NKAIN3: variants seen among roughly 807,000 people sequenced by gnomAD.
The protein encoded by NKAIN3 is sodium/potassium-transporting ATPase subunit beta-1-interacting protein 3.
NKAIN3 carries 25 observed loss-of-function variants against 30.2 expected under a neutral mutation model. The observed-to-expected ratio is 0.83, with a 90% confidence interval of 0.60 to 1.16. The LOEUF (loss-of-function observed/expected upper bound fraction) is 1.16. Among genes scored for constraint, NKAIN3 ranks in the 50% most tolerant of loss-of-function variants. The probability of loss-of-function intolerance (pLI) is 0.00; values close to 1 mark genes in which losing one functional copy is unlikely to be tolerated. For missense variants in NKAIN3, 225 were observed against 254.1 expected, an observed-to-expected ratio of 0.89 and a Z score of 0.78; for synonymous variants, 91 against 89.6, an observed-to-expected ratio of 1.02 and a Z score of -0.09.
At chr8:62,503,349 A>G (rs1344422596) in intron 1 of NKAIN3, among the ~76,000 whole-genome samples, 1 of 152,182 alleles carries the variant, frequency 6.6e-6, no homozygotes, top group Non-Finnish European at 1.5e-5. Context: ...TCAAGGGGCA[A>G]AAGGCAGAGC....
At chr8:62,803,212 G>C (rs1818136253) in intron 4 of NKAIN3, among the ~76,000 whole-genome samples, 1 of 152,108 alleles carries the variant, frequency 6.6e-6, no homozygotes, top group South Asian at 2.1e-4. Flanking sequence ...CAATGAGACA[G>C]AAAGTTAGCA....
chr8:62,424,927 T>G (rs1804759906), intron 1 of NKAIN3, among the ~76,000 whole-genome samples: 1 of 151,888 alleles, frequency 6.6e-6, no homozygotes, highest in African/African-American at 2.4e-5. Context: ...AACTATGATG[T>G]GTACATACAA....
At chr8:62,998,081 T>TTTGCTGTTTG (rs1307953471) in intron 5 of NKAIN3, among the ~76,000 whole-genome samples, 3 of 152,186 alleles carry the variant, frequency 2.0e-5, no homozygotes, top group African/African-American at 7.2e-5. Flanking sequence ...TCAGCACTCA[T>TTTGCTGTTTG]TTGCTGTTTG....
chr8:62,559,271 T>A (rs1376574504), intron 1 of NKAIN3, among the ~76,000 whole-genome samples: 1 of 152,006 alleles, frequency 6.6e-6, no homozygotes. Context: ...GTTTCCATAA[T>A]ACACTCATTT....
At chr8:62,904,387 GAA>G (rs1821713610) in intron 4 of NKAIN3, among the ~76,000 whole-genome samples, 1 of 152,146 alleles carries the variant, frequency 6.6e-6, no homozygotes, top group Non-Finnish European at 1.5e-5. Context: ...ACCCATAAAT[GAA>G]AAGACTCTAC....
rs184645746 is a variant in NKAIN3 at position 62,422,492 on chromosome 8, G to A, written c.55-157047G>A. 1.8e-3 allele frequency among the ~76,000 whole-genome samples: 278 copies of A among 152,246 alleles called. 1 individual carries two copies. Among genetic ancestry groups the A allele is most frequent in the African/African-American group, 6.4e-3 (267 of 41,562 alleles). ...CAGTTTTGATTAACATATCAGTGAA[G>A]TCTTATCTTTTTAACTTGGTTTTAA... On this transcript the variant is annotated intron_variant, in intron 1 of 6. Coordinates refer to ENST00000623646, the MANE Select transcript of NKAIN3 (RefSeq NM_001304533.3).
chr8:62,790,021 T>G (rs1817652096), intron 4 of NKAIN3, among the ~76,000 whole-genome samples: 1 of 152,090 alleles, frequency 6.6e-6, no homozygotes, highest in Non-Finnish European at 1.5e-5. Context: ...AAAGAGAATT[T>G]TAGACCAATA....
chr8:62,638,405 A>G (rs972099882), intron 3 of NKAIN3, among the ~76,000 whole-genome samples: 2 of 152,150 alleles, frequency 1.3e-5, no homozygotes, highest in Admixed American at 1.3e-4. Flanking sequence ...AGTACTTTCA[A>G]ATGAGAGTCA....
chr8:62,786,355 A>T (rs1199438937), intron 4 of NKAIN3, among the ~76,000 whole-genome samples: 1 of 152,058 alleles, frequency 6.6e-6, no homozygotes, highest in African/African-American at 2.4e-5. Context: ...AGTGTCTTTC[A>T]TTTTTATATA....
chr8:62,906,277 C>G (rs906146302), intron 4 of NKAIN3, among the ~76,000 whole-genome samples: 6 of 152,194 alleles, frequency 3.9e-5, no homozygotes, highest in Admixed American at 3.9e-4. Context: ...CATTAAGTAG[C>G]TATGCTTTCT....
chr8:62,652,119 C>T (rs1812640592), intron 3 of NKAIN3, among the ~76,000 whole-genome samples: 5 of 152,084 alleles, frequency 3.3e-5, no homozygotes, highest in Admixed American at 3.3e-4. Flanking sequence ...GGGGGTCCAT[C>T]TCCCTGACCT....
chr8:62,669,606 C>G (rs77651728), intron 3 of NKAIN3, among the ~76,000 whole-genome samples: 1 of 152,244 alleles, frequency 6.6e-6, no homozygotes, highest in East Asian at 1.9e-4. Context: ...AAAAACAGTA[C>G]AAAAGACACT....
rs901939977 is a variant in NKAIN3, at chr8:62,855,636, A to T, written c.472-62817A>T. ...TCAGTCTCCATCAAATCCAAGGCCAAGGCCTCCAGGTTCCTGAAGTGCTGC... is the reference window on the plus strand; with the variant it reads ...TCAGTCTCCATCAAATCCAAGGCCATGGCCTCCAGGTTCCTGAAGTGCTGC... On this transcript the variant is annotated intron_variant, in intron 4 of 6. Transcript: ENST00000623646. 3.7e-6 allele frequency: 6 copies of T among 1,604,076 alleles called. No homozygotes were observed. In the African/African-American group the frequency reaches 8.0e-5, roughly 21 times the overall value.
rs1175854909 is a variant in NKAIN3 at position 62,979,942 on chromosome 8, CCA to C, written c.*14537_*14538del. The C allele has an allele frequency of 6.6e-6, 1 of 152,226 alleles. No homozygotes were observed. Among genetic ancestry groups the C allele is most frequent in the Admixed American group, 6.5e-5 (1 of 15,278 alleles). The allele number at this position is 152,226 out of a possible 1,614,324, so 9.4% of individuals were successfully genotyped here. A position where few individuals can be genotyped will look rare whatever the true frequency, so the allele number is the denominator to read the frequency against. ...CTGCTTGGGTCTGAGCATCAGAAAG[CCA>C]CCTTCCAGTGGGTCTTTGCCTAGCT... On this transcript the variant is annotated 3_prime_UTR_variant, in exon 7 of 7. Transcript: ENST00000623646.
intron 3 of NKAIN3, among the ~76,000 whole-genome samples, chr8:62,704,359 T>C (rs539596490): frequency 6.1e-4 from 93 of 152,334 alleles, no homozygotes; most frequent in Non-Finnish European, 1.2e-3. Context: ...ATATTTTATC[T>C]TGGCTTTCTG....
At chr8:62,806,973 C>T (rs961160160) in intron 4 of NKAIN3, among the ~76,000 whole-genome samples, 4 of 152,038 alleles carry the variant, frequency 2.6e-5, no homozygotes, top group Non-Finnish European at 5.9e-5. Flanking sequence ...TGATGAACAA[C>T]ATGGTCCACT....
chr8:62,479,115 C>T (rs769594467), intron 1 of NKAIN3, among the ~76,000 whole-genome samples: 13 of 152,052 alleles, frequency 8.5e-5, no homozygotes, highest in Non-Finnish European at 1.9e-4. Flanking sequence ...GGGTTGCACT[C>T]GATATGTCAC....
At chr8:62,751,905 C>T (rs1816296971) in intron 4 of NKAIN3, among the ~76,000 whole-genome samples, 1 of 151,940 alleles carries the variant, frequency 6.6e-6, no homozygotes, top group African/African-American at 2.4e-5. Flanking sequence ...ACTAGATGCC[C>T]TGACACCTGA....
At chr8:62,873,956 C>G (rs1388916986) in intron 4 of NKAIN3, among the ~76,000 whole-genome samples, 1 of 151,728 alleles carries the variant, frequency 6.6e-6, no homozygotes. Flanking sequence ...AAACCAAAAG[C>G]TAGCAGACAA....
Sources: allele counts gnomAD v4.1 joint callset (sites outside exome capture counted in the v4.1 genomes callset), GRCh38; gene constraint gnomAD v4.1.1; transcripts MANE v1.5; gene names NCBI Gene and HGNC (gene_info 2026-07-23, HGNC 2026-07-21).